Variants in RBFOX1 observed in about 807,000 individuals in gnomAD.
RBFOX1 encodes the protein RNA binding protein fox-1 homolog 1.
A neutral mutation model predicts 57.7 loss-of-function variants in RBFOX1; 8 were observed. The ratio of observed to expected loss-of-function variants is 0.14; its 90% confidence interval spans 0.08 to 0.25. The LOEUF (loss-of-function observed/expected upper bound fraction) is 0.25, where lower values mean the gene tolerates loss of function less well. Ranked by LOEUF, RBFOX1 falls within the 10% of genes least tolerant of loss-of-function variation. The pLI, the probability that RBFOX1 is intolerant of heterozygous loss-of-function variation, is 1.00. For missense variants in RBFOX1, 611 were observed against 548.5 expected (o/e 1.11, Z -1.14); for synonymous variants, 326 against 222.4 (o/e 1.47, Z -4.15).
At chr16:6,295,399 C>A (rs924389493) in intron 1 of RBFOX1, among the ~76,000 whole-genome samples, 1 of 152,172 alleles carries the variant, frequency 6.6e-6, no homozygotes, top group African/African-American at 2.4e-5. Flanking sequence ...GCTGGGATTA[C>A]AGGCATAAGC....
intron 1 of RBFOX1, among the ~76,000 whole-genome samples, chr16:6,048,522 C>T (rs191588572): frequency 6.6e-6 from 1 of 152,254 alleles, no homozygotes; most frequent in Non-Finnish European, 1.5e-5. Flanking sequence ...AATGATGCAT[C>T]GTGGAAAGGT....
At chr16:6,935,716 G>C (rs1390727141) in intron 3 of RBFOX1, among the ~76,000 whole-genome samples, 2 of 152,174 alleles carry the variant, frequency 1.3e-5, no homozygotes, top group Non-Finnish European at 2.9e-5. Flanking sequence ...CAGTGTGGCA[G>C]CTAAGCGAGA....
chr16:6,410,798 G>A (rs1032958284), intron 2 of RBFOX1, among the ~76,000 whole-genome samples: 1 of 152,184 alleles, frequency 6.6e-6, no homozygotes, highest in Non-Finnish European at 1.5e-5. Flanking sequence ...TAGGCTGTTG[G>A]AGTGGAAACA....
intron 1 of RBFOX1, among the ~76,000 whole-genome samples, chr16:6,164,606 A>G (rs2096902913): frequency 1.3e-5 from 2 of 151,872 alleles, no homozygotes; most frequent in Admixed American, 1.3e-4. Flanking sequence ...AGCTGGGACT[A>G]TAGGTGTGAA....
intron 2 of RBFOX1, among the ~76,000 whole-genome samples, chr16:5,477,220 T>C (rs1027420124): frequency 9.2e-5 from 14 of 152,184 alleles, no homozygotes; most frequent in African/African-American, 3.4e-4. Context: ...CTTGCTTTGT[T>C]GCCCAGGCTG....
chr16:6,669,611 C>T (rs964162117), intron 3 of RBFOX1, among the ~76,000 whole-genome samples: 1 of 152,096 alleles, frequency 6.6e-6, no homozygotes, highest in Non-Finnish European at 1.5e-5. Context: ...CATCTATCAC[C>T]TCATATATTG....
intron 3 of RBFOX1, among the ~76,000 whole-genome samples, chr16:5,693,736 C>G (rs1042506881): frequency 6.6e-5 from 10 of 152,292 alleles, no homozygotes; most frequent in Admixed American, 2.0e-4. Context: ...CCATTCTATC[C>G]AAGATCAAGC....
intron 3 of RBFOX1, among the ~76,000 whole-genome samples, chr16:6,987,186 T>C (rs961715748): frequency 6.6e-6 from 1 of 152,086 alleles, no homozygotes; most frequent in African/African-American, 2.4e-5. Context: ...TGAAGTGTTT[T>C]GCCAAGTCTT....
intron 3 of RBFOX1, among the ~76,000 whole-genome samples, chr16:6,880,494 C>G (rs1454354623): frequency 1.3e-5 from 2 of 152,184 alleles, no homozygotes; most frequent in Non-Finnish European, 2.9e-5. Context: ...GATGCAAAAG[C>G]TGGGCCAGGT....
intron 3 of RBFOX1, among the ~76,000 whole-genome samples, chr16:7,043,837 T>C (rs1174125078): frequency 6.6e-6 from 1 of 152,244 alleles, no homozygotes; most frequent in Non-Finnish European, 1.5e-5. Flanking sequence ...TGCACTTCCA[T>C]AATCTCACTG....
intron 1 of RBFOX1, among the ~76,000 whole-genome samples, chr16:6,043,173 G>A (rs553036684): frequency 3.8e-4 from 51 of 133,894 alleles, no homozygotes; most frequent in Non-Finnish European, 7.5e-4. Flanking sequence ...GATAAGGGGC[G>A]TTGTGGAAAC....
At chr16:6,870,845 T>A (rs566701064) in intron 3 of RBFOX1, among the ~76,000 whole-genome samples, 1 of 152,302 alleles carries the variant, frequency 6.6e-6, no homozygotes, top group African/African-American at 2.4e-5. Context: ...GCTCTGAGAT[T>A]TACAGTCACT....
At chr16:5,305,810 C>T (rs775483535) in intron 1 of RBFOX1, among the ~76,000 whole-genome samples, 1 of 152,136 alleles carries the variant, frequency 6.6e-6, no homozygotes, top group Non-Finnish European at 1.5e-5. Context: ...ATCATCCCAG[C>T]AAGTCGGGAG....
At chr16:5,807,251 C>A (rs1196261901) in intron 3 of RBFOX1, among the ~76,000 whole-genome samples, 1 of 152,200 alleles carries the variant, frequency 6.6e-6, no homozygotes, top group Non-Finnish European at 1.5e-5. Context: ...CCTCTCCCTT[C>A]ACGGGGGCTG....
intron 1 of RBFOX1, among the ~76,000 whole-genome samples, chr16:6,254,803 A>G (rs991233798): frequency 6.6e-6 from 1 of 152,138 alleles, no homozygotes; most frequent in African/African-American, 2.4e-5. Context: ...AGGAAATTCA[A>G]TTCATTATTT....
At chr16:6,944,427 A>G (rs2079108899) in intron 3 of RBFOX1, among the ~76,000 whole-genome samples, 1 of 151,742 alleles carries the variant, frequency 6.6e-6, no homozygotes, top group Non-Finnish European at 1.5e-5. Context: ...AAAGAAAAGA[A>G]AAAAGAAGAC....
chr16:6,196,279 G>A (rs1239139987), intron 1 of RBFOX1, among the ~76,000 whole-genome samples: 2 of 152,194 alleles, frequency 1.3e-5, no homozygotes, highest in African/African-American at 4.8e-5. Context: ...CCCTGCACCA[G>A]AGGAAGTTGT....
chr16:6,493,322 T>G (rs533304351), intron 2 of RBFOX1, among the ~76,000 whole-genome samples: 23 of 152,284 alleles, frequency 1.5e-4, no homozygotes, highest in Non-Finnish European at 3.1e-4. Flanking sequence ...CCTAAAAATA[T>G]TAAATATGTG....
At chr16:6,868,758 A>G (rs918595219) in intron 3 of RBFOX1, among the ~76,000 whole-genome samples, 2 of 152,134 alleles carry the variant, frequency 1.3e-5, no homozygotes, top group Non-Finnish European at 2.9e-5. Flanking sequence ...GGCATGAGCC[A>G]TTGCACCCGG....
Sources: gnomAD v4.1 joint callset for allele counts (sites outside exome capture counted in the v4.1 genomes callset) on GRCh38, gnomAD v4.1.1 for gene constraint, MANE v1.5 for transcripts, NCBI Gene and HGNC (gene_info 2026-07-23, HGNC 2026-07-21) for gene names.